Variants in REEP6 observed in about 807,000 individuals in gnomAD.
REEP6 encodes receptor accessory protein 6.
REEP6 carries 19 observed loss-of-function variants against 22.4 expected under a neutral mutation model. The ratio of observed to expected loss-of-function variants is 0.85; its 90% CI spans 0.59 to 1.25. The LOEUF (loss-of-function observed/expected upper bound fraction) is 1.25, where lower values mean the gene tolerates loss of function less well. Ranked by LOEUF, REEP6 falls within the 50% of genes most tolerant of loss-of-function variation. REEP6 has a pLI of 0.00. For missense variants in REEP6, 273 were observed against 251.9 expected, an observed-to-expected ratio of 1.08 and a Z score of -0.57; for synonymous variants, 121 against 113.6, an observed-to-expected ratio of 1.06 and a Z score of -0.41.
intron 1 of REEP6, among the ~76,000 whole-genome samples, chr19:1,493,258 C>T (rs1477657172): frequency 6.6e-6 from 1 of 152,152 alleles, no homozygotes; most frequent in Non-Finnish European, 1.5e-5. Flanking sequence ...GGAGAGATGG[C>T]AGTCCCTCAT....
Position 1,491,505 on chromosome 19 carries a change from T to TCCCA in REEP6, c.115+121_115+122insCCCA. 2 of 609,122 alleles carry TCCCA rather than the reference T, an allele frequency of 3.3e-6. No homozygotes were observed. Among genetic ancestry groups the TCCCA allele is most frequent in the Non-Finnish European group, 5.0e-6 (2 of 399,356 alleles). 37.7% of individuals were successfully genotyped at this position (609,122 alleles called of 1,614,324 possible). On this transcript the variant is annotated intron_variant, in intron 1 of 4. Transcript: ENST00000233596. This position sits in a 1 kb window ranked among gnomAD's most constrained non-coding sequence, Gnocchi z 5.4. Reference sequence around the variant, plus strand: ...GGTCCGGCCGGTGGAGCGCGCGAGGTGACTGGGACCTCGAGGTCCGCCCGC... The same window carrying TCCCA: ...GGTCCGGCCGGTGGAGCGCGCGAGGTCCCAGACTGGGACCTCGAGGTCCGCCCGC...
Position 1,491,985 on chromosome 19 carries a change from G to C in REEP6, c.115+601G>C, listed in dbSNP as rs2084954936. 6.6e-6 allele frequency among the ~76,000 whole-genome samples: 1 copy of C among 152,224 alleles called. No homozygotes were observed. The highest frequency in any genetic ancestry group is 6.5e-5 in the Admixed American group (1 of 15,286). The stretch of plus-strand genomic sequence containing the variant: ...TGGGGCCCACAGAGCCGGAGATCCA[G>C]GCACCCCGATTGTGACTCCATTACA... On this transcript the variant is annotated intron_variant, in intron 1 of 4. Coordinates refer to ENST00000233596, the MANE Select transcript of REEP6 (RefSeq NM_138393.4). This position sits in a 1 kb window ranked among gnomAD's most constrained non-coding sequence, Gnocchi z 5.4.
chr19:1,491,650 G>C lies in REEP6; in HGVS notation c.115+266G>C, dbSNP rs2084944435. Reference sequence around the variant, plus strand: ...CTGGGTGCCTGCCATGCCGAAGTCCGGTTCTTCCAGTTGCCCAGTGGCCCC... The same window carrying C: ...CTGGGTGCCTGCCATGCCGAAGTCCCGTTCTTCCAGTTGCCCAGTGGCCCC... On this transcript the variant is annotated intron_variant, in intron 1 of 4. Transcript: ENST00000233596. This position sits in a 1 kb window ranked among gnomAD's most constrained non-coding sequence, Gnocchi z 5.4. 6.6e-6 allele frequency among the ~76,000 whole-genome samples: 1 copy of C among 152,246 alleles called. No individual in the cohort carries two copies. The highest frequency in any genetic ancestry group is 1.5e-5 in the Non-Finnish European group (1 of 68,046).
rs558517690 is a variant in REEP6 at position 1,492,153 on chromosome 19, T to C, written c.115+769T>C. On this transcript the variant is annotated intron_variant, in intron 1 of 4. Coordinates refer to ENST00000233596, the MANE Select transcript of REEP6 (RefSeq NM_138393.4). The stretch of plus-strand genomic sequence containing the variant: ...TTTTTGAGACCGAGTCTTGCTCTGC[T>C]GCCCAGGCTGGAGTGCAGTGGTGTG... Among the ~76,000 whole-genome samples the C allele has an allele frequency of 4.8e-3, 737 of 152,314 alleles. 5 individuals carry two copies. The highest frequency in any genetic ancestry group is 8.2e-3 in the Non-Finnish European group (556 of 68,024).
Position 1,495,295 on chromosome 19 carries a change from A to C in REEP6, c.117A>C (p.Gly39=). 1 of 1,612,082 alleles carries C rather than the reference A, an allele frequency of 6.2e-7. No individual in the cohort carries two copies. Among genetic ancestry groups the C allele is most frequent in the Non-Finnish European group, 8.5e-7 (1 of 1,179,966 alleles). ...TGVEKRYLAA[G]AVTLLSLYLL... is the part of the protein sequence containing the mutation. ...CACACCACCGCCTCTCTCCGGCAGGAGCCGTCACTCTGCTAAGCCTGTATC... is the reference window on the plus strand; with the variant it reads ...CACACCACCGCCTCTCTCCGGCAGGCGCCGTCACTCTGCTAAGCCTGTATC... The change falls in exon 2 of 5, where the codon GGA becomes GGC. Residue 39 remains glycine (G), a splice_region_variant and synonymous_variant. Transcript: ENST00000233596.
chr19:1,497,301 C>A lies in REEP6; in HGVS notation c.*90C>A. 2 of 1,189,314 alleles carry A rather than the reference C, an allele frequency of 1.7e-6. No homozygotes were observed. Among genetic ancestry groups the A allele is most frequent in the Non-Finnish European group, 2.4e-6 (2 of 816,580 alleles). The allele number at this position is 1,189,314 out of a possible 1,614,324, so 73.7% of individuals were successfully genotyped here. ...GGCCTCCACAGAGTCTTCAGCGCAT[C>A]CCCCAACAGCAGCCCCTGCCAGTCC... is the stretch of plus-strand genomic sequence containing the variant. On this transcript the variant is annotated 3_prime_UTR_variant, in exon 5 of 5. Transcript: ENST00000233596. The surrounding 1 kb of genome is among the most constrained non-coding windows in gnomAD (Gnocchi z 6.5).
chr19:1,497,160 C>A lies in REEP6; in HGVS notation c.518-14C>A. ...TGCCTCACGGCCCTCCCCCACCCGCCCCTCTCTCTGCAGTCAAGCCAAGCC... is the reference window on the plus strand; with the variant it reads ...TGCCTCACGGCCCTCCCCCACCCGCACCTCTCTCTGCAGTCAAGCCAAGCC... On this transcript the variant is annotated splice_polypyrimidine_tract_variant and intron_variant, in intron 4 of 4. Transcript: ENST00000233596. The surrounding 1 kb of genome is among the most constrained non-coding windows in gnomAD (Gnocchi z 6.5). The A allele has an allele frequency of 1.4e-6, 2 of 1,434,262 alleles. No homozygotes were observed. The highest frequency in any genetic ancestry group is 9.2e-7 in the Non-Finnish European group (1 of 1,089,008). 88.8% of individuals were successfully genotyped at this position (1,434,262 alleles called of 1,614,324 possible). A position where few individuals can be genotyped will look rare whatever the true frequency, so the allele number is the denominator to read the frequency against.
At position 1,491,253 on chromosome 19, in the gene REEP6, C is replaced by A. The variant is rs1180029328; in HGVS notation, c.-17C>A. 1 of 1,456,494 alleles carries A rather than the reference C, an allele frequency of 6.9e-7. No individual in the cohort carries two copies. The highest frequency in any genetic ancestry group is 9.1e-7 in the Non-Finnish European group (1 of 1,100,706). 90.2% of individuals were successfully genotyped at this position (1,456,494 alleles called of 1,614,324 possible). A position where few individuals can be genotyped will look rare whatever the true frequency, so the allele number is the denominator to read the frequency against. On this transcript the variant is annotated 5_prime_UTR_variant, in exon 1 of 5. Transcript: ENST00000233596. The surrounding 1 kb of genome is among the most constrained non-coding windows in gnomAD (Gnocchi z 5.4). ...CGCGGGCGAGCTCGAGCAGCCAACC[C>A]CGGGCGCGTCGGGGCCATGGACGGC...
rs748662323 is a variant in REEP6, at chr19:1,495,499, C to G, written c.240C>G (p.Asp80Glu). The change falls in exon 3 of 5, where the codon GAC (aspartate) becomes GAG (glutamate). Residue 80 changes from aspartate (D) to glutamate (E), a missense_variant. Transcript: ENST00000233596. ...AAGCTATCGAGAGCCCAAGCAAGGA[C>G]GACGACACTGTGTGGCTCACCTACT... Reference protein sequence around the residue: ...SIKAIESPSKDDDTVWLTYWV... With the variant: ...SIKAIESPSKEDDTVWLTYWV... 3 of 1,614,040 alleles carry G rather than the reference C, an allele frequency of 1.9e-6. No homozygotes were observed. The highest frequency in any genetic ancestry group is 2.5e-6 in the Non-Finnish European group (3 of 1,179,990).
Position 1,497,137 on chromosome 19 carries a change from C to T in REEP6, c.518-37C>T. Reference sequence around the variant, plus strand: ...AGCAGCTCCGGGGAGCCCAGGCCTGCCTCACGGCCCTCCCCCACCCGCCCC... The same window carrying T: ...AGCAGCTCCGGGGAGCCCAGGCCTGTCTCACGGCCCTCCCCCACCCGCCCC... On this transcript the variant is annotated intron_variant, in intron 4 of 4. Transcript: ENST00000233596. The surrounding 1 kb of genome is among the most constrained non-coding windows in gnomAD (Gnocchi z 6.5). 7.5e-7 allele frequency: 1 copy of T among 1,342,152 alleles called. No individual in the cohort carries two copies. Among genetic ancestry groups the T allele is most frequent in the Non-Finnish European group, 1.0e-6 (1 of 998,964 alleles). The allele number at this position is 1,342,152 out of a possible 1,614,324, so 83.1% of individuals were successfully genotyped here.
intron 1 of REEP6, among the ~76,000 whole-genome samples, 158 bp from the exon 2 acceptor site, chr19:1,495,136 G>C (rs1044486228): frequency 6.6e-5 from 10 of 152,220 alleles, no homozygotes; most frequent in African/African-American, 2.2e-4. Flanking sequence ...GCACGATGGG[G>C]GATGTACAGG....
rs987621874 is a variant in REEP6 at position 1,497,684 on chromosome 19, G to A, written c.*473G>A. On this transcript the variant is annotated 3_prime_UTR_variant, in exon 5 of 5. Transcript: ENST00000233596. This position sits in a 1 kb window ranked among gnomAD's most constrained non-coding sequence, Gnocchi z 6.5. ...CCCCCAGCAAGTCCTCTGGCAAGCCGGAGGACGCAGCCCCCAAGACCAGCG... is the reference window on the plus strand; with the variant it reads ...CCCCCAGCAAGTCCTCTGGCAAGCCAGAGGACGCAGCCCCCAAGACCAGCG... 4.4e-5 allele frequency: 21 copies of A among 474,878 alleles called. No homozygotes were observed. The Middle Eastern group carries it at 9.7e-4, about 22-fold the overall frequency. The allele number at this position is 474,878 out of a possible 1,614,324, so 29.4% of individuals were successfully genotyped here. A position where few individuals can be genotyped will look rare whatever the true frequency, so the allele number is the denominator to read the frequency against.
Position 1,491,786 on chromosome 19 carries a change from T to C in REEP6, c.115+402T>C, listed in dbSNP as rs892470280. On this transcript the variant is annotated intron_variant, in intron 1 of 4. Transcript: ENST00000233596. The surrounding 1 kb of genome is among the most constrained non-coding windows in gnomAD (Gnocchi z 5.4). ...TCCCGTTTTTCTGAGGGGAGGCTCC[T>C]GGCGGGAAGGGGAACGGACCGTCCT... 6.6e-6 allele frequency among the ~76,000 whole-genome samples: 1 copy of C among 152,188 alleles called. No homozygotes were observed. The highest frequency in any genetic ancestry group is 6.5e-5 in the Admixed American group (1 of 15,290).
intron 2 of REEP6, 22 bp from the exon 3 acceptor site, chr19:1,495,447 C>T (rs369685696): frequency 5.0e-6 from 8 of 1,613,726 alleles, no homozygotes; most frequent in African/African-American, 1.3e-5. Flanking sequence ...CAGCCCCTGA[C>T]CCTGCTGCAC....
chr19:1,496,154 C>T (rs2656886), intron 3 of REEP6, 131 bp from the exon 4 acceptor site: 407,635 of 1,166,330 alleles, frequency 0.35, 74,303 homozygotes, highest in African/African-American at 0.59. Context: ...CGGGCCCACC[C>T]TAAAGGGTGT....
At chr19:1,492,086 T>C (rs776947149) in intron 1 of REEP6, among the ~76,000 whole-genome samples, 6 of 152,198 alleles carry the variant, frequency 3.9e-5, no homozygotes, top group Non-Finnish European at 5.9e-5. Flanking sequence ...GAGCATGTAG[T>C]AAACGCTCCT....
In REEP6 at chr19:1,497,215, A is replaced by T; in HGVS notation, c.*4A>T. Reference sequence around the variant, plus strand: ...CCCGCAGCCGAAGGACAAGTGAAGCAGCCCCCTGAGCCTCACAAGGACCTC... The same window carrying T: ...CCCGCAGCCGAAGGACAAGTGAAGCTGCCCCCTGAGCCTCACAAGGACCTC... On this transcript the variant is annotated 3_prime_UTR_variant, in exon 5 of 5. Transcript: ENST00000233596. The surrounding 1 kb of genome is among the most constrained non-coding windows in gnomAD (Gnocchi z 6.5). The T allele has an allele frequency of 6.7e-7, 1 of 1,502,934 alleles. No homozygotes were observed. Among genetic ancestry groups the T allele is most frequent in the African/African-American group, 1.4e-5 (1 of 70,452 alleles). 93.1% of individuals were successfully genotyped at this position (1,502,934 alleles called of 1,614,324 possible).
chr19:1,493,019 G>A (rs921108338), intron 1 of REEP6, among the ~76,000 whole-genome samples: 1 of 152,106 alleles, frequency 6.6e-6, no homozygotes, highest in Non-Finnish European at 1.5e-5. Context: ...CACCAGAGAC[G>A]AAACTGAGGC....
At chr19:1,495,244 G>A (rs1047249946) in intron 1 of REEP6, 50 bp from the exon 2 acceptor site, 5 of 1,579,338 alleles carry the variant, frequency 3.2e-6, no homozygotes, top group Non-Finnish European at 4.3e-6. Flanking sequence ...TACCGTCGTG[G>A]GGGCTCAGCG....
Sources: gnomAD v4.1 joint callset for allele counts (sites outside exome capture counted in the v4.1 genomes callset) on GRCh38, gnomAD v4.1.1 for gene constraint, Gnocchi (gnomAD v3.1) non-coding constraint, MANE v1.5 for transcripts, NCBI Gene and HGNC (gene_info 2026-07-23, HGNC 2026-07-21) for gene names.